The following ABCG2 variants were observed in gnomAD, a reference collection of about 807,000 sequenced individuals.
The protein encoded by ABCG2 is broad substrate specificity ATP-binding cassette transporter ABCG2.
A neutral mutation model predicts 73.5 loss-of-function variants in ABCG2; 80 were observed. The ratio of observed to expected loss-of-function variants is 1.09; its 90% CI spans 0.91 to 1.31. The LOEUF is 1.31. ABCG2 is among the 50% of genes most tolerant of loss of function. The pLI is 0.00. For synonymous variants in ABCG2, 269 were observed against 282.4 expected, an observed-to-expected ratio of 0.95 and a Z score of 0.48; for missense variants, 796 against 786.2, an observed-to-expected ratio of 1.01 and a Z score of -0.15.
intron 10 of ABCG2, among the ~76,000 whole-genome samples, chr4:88,106,489 G>C (rs760645503): frequency 2.0e-4 from 31 of 152,196 alleles, no homozygotes; most frequent in Non-Finnish European, 4.0e-4. Context: ...AAGACAACAT[G>C]CTAAAGGAAA....
intron 2 of ABCG2, among the ~76,000 whole-genome samples, chr4:88,138,182 G>A (rs2622632): frequency 0.98 from 148,954 of 152,334 alleles, 72,924 homozygotes; most frequent in East Asian, 1. Context: ...TCATTTCAAA[G>A]TAAGTTATTA....
At chr4:88,106,459 T>C (rs1026289004) in intron 10 of ABCG2, among the ~76,000 whole-genome samples, 13 of 152,174 alleles carry the variant, frequency 8.5e-5, no homozygotes, top group African/African-American at 2.9e-4. Context: ...ATCTGACACA[T>C]GCTACATGAA....
At chr4:88,206,344 C>T (rs1729375498) in intron 1 of ABCG2, 1 of 152,050 alleles carries the variant, frequency 6.6e-6, no homozygotes, top group African/African-American at 2.4e-5. Context: ...GCCACCACAT[C>T]CTGATACTAC....
upstream of ABCG2, among the ~76,000 whole-genome samples, chr4:88,162,250 TG>T (rs1243192585): frequency 6.6e-6 from 1 of 152,172 alleles, no homozygotes; most frequent in Non-Finnish European, 1.5e-5. Flanking sequence ...TAACATGGAA[TG>T]TCTTTTATCT....
chr4:88,222,622 T>A (rs1488949147), intron 1 of ABCG2, among the ~76,000 whole-genome samples: 1 of 152,184 alleles, frequency 6.6e-6, no homozygotes, highest in Non-Finnish European at 1.5e-5. Context: ...CCTTTGTAAA[T>A]TGCCCAGTTT....
At chr4:88,191,748 T>C (rs962413132) in intron 1 of ABCG2, among the ~76,000 whole-genome samples, 1 of 152,188 alleles carries the variant, frequency 6.6e-6, no homozygotes, top group Non-Finnish European at 1.5e-5. Context: ...AAATGTGGTA[T>C]ACTTATACAA....
At chr4:88,151,512 GT>G (rs1187026448) in intron 1 of ABCG2, among the ~76,000 whole-genome samples, 3 of 152,188 alleles carry the variant, frequency 2.0e-5, no homozygotes, top group Admixed American at 2.0e-4. Context: ...GCCGAGGCAG[GT>G]GGATCACGAG....
intron 13 of ABCG2, among the ~76,000 whole-genome samples, chr4:88,097,060 A>C (rs1319920345): frequency 1.3e-5 from 2 of 152,200 alleles, no homozygotes; most frequent in Non-Finnish European, 2.9e-5. Flanking sequence ...AAAAAAAATA[A>C]ACTAGCAGTT....
intron 1 of ABCG2, among the ~76,000 whole-genome samples, chr4:88,185,445 T>C (rs1419944111): frequency 6.6e-6 from 1 of 152,204 alleles, no homozygotes; most frequent in Non-Finnish European, 1.5e-5. Flanking sequence ...GGACAACAGT[T>C]TTTTTGAGTA....
chr4:88,181,500 G>A lies in ABCG2; in HGVS notation c.-19-41486C>T, dbSNP rs547055338. Among the ~76,000 whole-genome samples the A allele has an allele frequency of 2.0e-4, 31 of 151,862 alleles. No individual in the cohort carries two copies. In the South Asian group the frequency reaches 5.6e-3, roughly 27 times the overall value. On this transcript the variant is annotated intron_variant, in intron 1 of 15. Coordinates refer to the ABCG2 transcript ENST00000515655. ...AATTCCAGCACTTTGGGAGGCTGAG[G>A]CAGAAGGATTGCTTGAGCCCAAGAG...
At chr4:88,190,691 G>A (rs1487999637) in intron 1 of ABCG2, among the ~76,000 whole-genome samples, 3 of 151,982 alleles carry the variant, frequency 2.0e-5, no homozygotes, top group South Asian at 2.1e-4. Context: ...ATGAAAAGAC[G>A]AGCCACAGAC....
intron 1 of ABCG2, among the ~76,000 whole-genome samples, chr4:88,202,508 G>A (rs1187187711): frequency 6.6e-6 from 1 of 151,256 alleles, no homozygotes; most frequent in Admixed American, 6.6e-5. Flanking sequence ...TGCGTGAAAA[G>A]GAGAAAGGGG....
At chr4:88,230,843 C>A (rs530663423) in intron 1 of ABCG2, among the ~76,000 whole-genome samples, 12 of 152,056 alleles carry the variant, frequency 7.9e-5, no homozygotes, top group African/African-American at 1.9e-4. Context: ...GCAGAGCCTG[C>A]GTTTCAGCAA....
At chr4:88,105,448 C>T (rs796139097) in intron 10 of ABCG2, among the ~76,000 whole-genome samples, 12 of 152,246 alleles carry the variant, frequency 7.9e-5, no homozygotes, top group African/African-American at 2.9e-4. Flanking sequence ...ACTCTGAGGG[C>T]TGTGAAATTC....
intron 1 of ABCG2, among the ~76,000 whole-genome samples, chr4:88,225,171 G>T (rs1382771288): frequency 6.6e-6 from 1 of 152,080 alleles, no homozygotes; most frequent in Non-Finnish European, 1.5e-5. Flanking sequence ...TTTTTGTAAA[G>T]GGCCAGATAG....
chr4:88,227,434 C>T (rs1405037855), intron 1 of ABCG2, among the ~76,000 whole-genome samples: 1 of 152,048 alleles, frequency 6.6e-6, no homozygotes, highest in Non-Finnish European at 1.5e-5. Context: ...TATACATATA[C>T]AAAAGTACAC....
chr4:88,180,877 C>T (rs970217708), intron 1 of ABCG2, among the ~76,000 whole-genome samples: 3 of 152,114 alleles, frequency 2.0e-5, no homozygotes, highest in Non-Finnish European at 2.9e-5. Context: ...AATATTATAA[C>T]ACCGTAATTC....
At chr4:88,093,503 C>CAAAA (rs10533191) in intron 15 of ABCG2, among the ~76,000 whole-genome samples, 1 of 105,006 alleles carries the variant, frequency 9.5e-6, no homozygotes, top group Non-Finnish European at 1.9e-5. Context: ...GACTCCATTT[C>CAAAA]AAAAAAAAAA....
chr4:88,114,451 A>T (rs1723383985), intron 8 of ABCG2, among the ~76,000 whole-genome samples: 1 of 152,018 alleles, frequency 6.6e-6, no homozygotes, highest in South Asian at 2.1e-4. Flanking sequence ...ACATGGTGAA[A>T]CTCCATCTCT....
Sources: gnomAD v4.1 joint callset for allele counts (sites outside exome capture counted in the v4.1 genomes callset) on GRCh38, gnomAD v4.1.1 for gene constraint, MANE v1.5 for transcripts, NCBI Gene and HGNC (gene_info 2026-07-23, HGNC 2026-07-21) for gene names.